Variants in LRMDA observed in about 807,000 individuals in gnomAD.
The protein encoded by LRMDA is leucine-rich melanocyte differentiation-associated protein.
A neutral mutation model predicts 29.8 loss-of-function variants in LRMDA; 18 were observed. The observed-to-expected ratio is 0.60, with a 90% CI of 0.42 to 0.90. LRMDA has a LOEUF of 0.90. Ranked by LOEUF, LRMDA falls within the 40% of genes least tolerant of loss-of-function variation. The pLI is 0.00. For synonymous variants in LRMDA, 125 were observed against 109.4 expected (o/e 1.14, Z -0.89); for missense variants, 273 against 273.9 (o/e 1.00, Z 0.02).
At chr10:75,437,674 G>A (rs1844276635) in intron 1 of LRMDA, among the ~76,000 whole-genome samples, 1 of 152,084 alleles carries the variant, frequency 6.6e-6, no homozygotes, top group South Asian at 2.1e-4. Context: ...TAATATTTGG[G>A]CACATACAGG....
In LRMDA at chr10:75,879,143, C is replaced by T. The variant is rs1845250614; in HGVS notation, c.132-156865C>T. On this transcript the variant is annotated intron_variant, in intron 2 of 6. Transcript: ENST00000611255. ...CCATCACAATATCCTAATGCAGTAG[C>T]GGTGTCAGTCTTATAACTTGAGTGA... 2.6e-5 allele frequency among the ~76,000 whole-genome samples: 4 copies of T among 152,152 alleles called. No homozygotes were observed. The South Asian group carries it at 6.2e-4, about 24-fold the overall frequency.
chr10:76,206,069 C>T (rs1323436976), intron 5 of LRMDA, among the ~76,000 whole-genome samples: 2 of 152,128 alleles, frequency 1.3e-5, no homozygotes, highest in Non-Finnish European at 2.9e-5. Flanking sequence ...CTCCTTCCTC[C>T]CGTCGATCAA....
intron 2 of LRMDA, among the ~76,000 whole-genome samples, chr10:75,632,199 G>A (rs1271128154): frequency 2.0e-5 from 3 of 152,134 alleles, no homozygotes; most frequent in Non-Finnish European, 2.9e-5. Flanking sequence ...GAGTCAGAGG[G>A]ATATCAGCCT....
intron 2 of LRMDA, among the ~76,000 whole-genome samples, chr10:75,997,966 T>C (rs1847500401): frequency 6.6e-6 from 1 of 152,254 alleles, no homozygotes; most frequent in East Asian, 1.9e-4. Flanking sequence ...CTTGCCTTTC[T>C]TTTTAACCTA....
At chr10:75,705,597 G>T (rs764659944) in intron 2 of LRMDA, among the ~76,000 whole-genome samples, 58 of 152,190 alleles carry the variant, frequency 3.8e-4, no homozygotes, top group Non-Finnish European at 7.2e-4. Flanking sequence ...TTTGGAGGAG[G>T]GGCCGAATGA....
In LRMDA at chr10:75,497,504, C is replaced by T. The variant is rs12570535; in HGVS notation, c.131+59010C>T. Reference sequence around the variant, plus strand: ...ATGCATGAACCCTAAATGTACCATTCTGTGAGTTTTGATAAATACACGCAC... The same window carrying T: ...ATGCATGAACCCTAAATGTACCATTTTGTGAGTTTTGATAAATACACGCAC... On this transcript the variant is annotated intron_variant, in intron 2 of 6. Transcript: ENST00000611255. 5.0e-3 allele frequency among the ~76,000 whole-genome samples: 760 copies of T among 151,696 alleles called. 45 individuals are homozygous for T. The East Asian group carries it at 0.12, about 25-fold the overall frequency.
At chr10:76,332,628 T>A (rs1209105263) in intron 6 of LRMDA, among the ~76,000 whole-genome samples, 1 of 152,238 alleles carries the variant, frequency 6.6e-6, no homozygotes, top group Non-Finnish European at 1.5e-5. Context: ...TCCCTTTATC[T>A]TAACAAAATG....
chr10:76,412,644 G>A (rs1479580523), intron 6 of LRMDA, among the ~76,000 whole-genome samples: 2 of 152,038 alleles, frequency 1.3e-5, no homozygotes, highest in Non-Finnish European at 2.9e-5. Flanking sequence ...AAGATACAGG[G>A]GAATTGAATG....
intron 2 of LRMDA, among the ~76,000 whole-genome samples, chr10:75,480,790 T>C (rs4745777): frequency 0.9 from 137,485 of 152,210 alleles, 62,297 homozygotes; most frequent in African/African-American, 0.98. Context: ...TTGTAGAGTC[T>C]TCCAAGACAA....
At chr10:76,124,703 A>G (rs1849849108) in intron 5 of LRMDA, among the ~76,000 whole-genome samples, 4 of 152,230 alleles carry the variant, frequency 2.6e-5, no homozygotes, top group African/African-American at 9.6e-5. Context: ...TAGCATTAAC[A>G]AGGCTCAGTA....
At chr10:75,605,477 T>G (rs1219842681) in intron 2 of LRMDA, among the ~76,000 whole-genome samples, 1 of 152,104 alleles carries the variant, frequency 6.6e-6, no homozygotes, top group Non-Finnish European at 1.5e-5. Context: ...ACTAAAACAT[T>G]TTCTTCCCCA....
intron 2 of LRMDA, among the ~76,000 whole-genome samples, chr10:75,680,934 C>G (rs116772118): frequency 6.6e-6 from 1 of 152,090 alleles, no homozygotes; most frequent in Admixed American, 6.5e-5. Context: ...CTTCAGTTAA[C>G]GTGATGGTGG....
chr10:76,036,997 C>T (rs1023695411), intron 3 of LRMDA, among the ~76,000 whole-genome samples: 1 of 152,168 alleles, frequency 6.6e-6, no homozygotes, highest in Non-Finnish European at 1.5e-5. Flanking sequence ...GGGATGAATG[C>T]ATCATTATCA....
At chr10:75,787,230 C>T (rs924883244) in intron 2 of LRMDA, among the ~76,000 whole-genome samples, 11 of 152,138 alleles carry the variant, frequency 7.2e-5, no homozygotes, top group African/African-American at 2.4e-4. Context: ...ACACCTTAAT[C>T]GGGGAGCCCC....
chr10:76,478,490 A>G lies in LRMDA; in HGVS notation c.602-78719A>G, dbSNP rs561565788. On this transcript the variant is annotated intron_variant, in intron 6 of 6. Transcript: ENST00000611255. ...CAACCATTGTGGAAGTCAGTGTGGC[A>G]ATTCCTCAGGGATCTAGAACTAGAA... 6.4e-3 allele frequency among the ~76,000 whole-genome samples: 969 copies of G among 152,196 alleles called. 6 individuals carry two copies. Among genetic ancestry groups the G allele is most frequent in the African/African-American group, 0.022 (934 of 41,542 alleles).
intron 2 of LRMDA, among the ~76,000 whole-genome samples, chr10:75,449,214 T>C (rs1337637584): frequency 1.3e-5 from 2 of 148,902 alleles, no homozygotes; most frequent in Admixed American, 6.7e-5. Context: ...AAGTATACAC[T>C]ACATGCCATG....
chr10:76,246,678 C>T (rs976810127), intron 5 of LRMDA, among the ~76,000 whole-genome samples: 3 of 152,210 alleles, frequency 2.0e-5, no homozygotes, highest in South Asian at 2.1e-4. Flanking sequence ...ATTAGTCCAA[C>T]TGGCATTGCT....
intron 2 of LRMDA, among the ~76,000 whole-genome samples, chr10:76,019,356 C>T (rs1847932023): frequency 6.6e-6 from 1 of 152,024 alleles, no homozygotes; most frequent in Admixed American, 6.6e-5. Flanking sequence ...TGTCACTGAC[C>T]AGGAGGCAGC....
At chr10:75,639,124 A>C (rs9665386) in intron 2 of LRMDA, among the ~76,000 whole-genome samples, 1 of 152,208 alleles carries the variant, frequency 6.6e-6, no homozygotes, top group South Asian at 2.1e-4. Context: ...AGAGCTAGAG[A>C]AAACCATGAG....
Sources: gnomAD v4.1 joint callset for allele counts (sites outside exome capture counted in the v4.1 genomes callset) on GRCh38, gnomAD v4.1.1 for gene constraint, MANE v1.5 for transcripts, NCBI Gene and HGNC (gene_info 2026-07-23, HGNC 2026-07-21) for gene names.